The following WDR27 variants were observed in gnomAD, a reference collection of about 807,000 sequenced individuals.
The protein encoded by WDR27 is WD repeat-containing protein 27.
In WDR27, 100 loss-of-function variants were observed where a neutral mutation model predicts 114.4. The observed-to-expected ratio is 0.87, with a 90% CI of 0.74 to 1.03. The LOEUF (loss-of-function observed/expected upper bound fraction) is 1.03. WDR27 is among the 50% of genes least tolerant of loss of function. WDR27 has a pLI of 0.00. For missense variants in WDR27, 1,129 were observed against 1,092.9 expected (o/e 1.03, Z -0.47); for synonymous variants, 449 against 423.1 (o/e 1.06, Z -0.75).
intron 1 of WDR27, among the ~76,000 whole-genome samples, chr6:169,695,569 A>T (rs1354651798): frequency 1.3e-5 from 2 of 152,220 alleles, no homozygotes; most frequent in Non-Finnish European, 2.9e-5. Flanking sequence ...AAATGATTAC[A>T]GAGCACCCAG....
intron 6 of WDR27, chr6:169,666,866 T>C (rs1827967752): frequency 1.0e-6 from 1 of 985,330 alleles, no homozygotes; most frequent in African/African-American, 1.7e-5. Flanking sequence ...ACTCAGGCAT[T>C]TTATCTGACA....
intron 17 of WDR27, among the ~76,000 whole-genome samples, chr6:169,639,919 C>G (rs774398104): frequency 2.4e-4 from 37 of 152,182 alleles, no homozygotes; most frequent in Non-Finnish European, 4.0e-4. Context: ...CGCTTCTTCT[C>G]AGAGGTCGGC....
intron 5 of WDR27, 103 bp from the exon 6 acceptor site, chr6:169,667,290 T>G: frequency 2.3e-6 from 3 of 1,281,650 alleles, no homozygotes; most frequent in Non-Finnish European, 3.0e-6. Context: ...TCAACACAAA[T>G]GGTTATCTAA....
chr6:169,557,426 G>A (rs773272596), intron 25 of WDR27, among the ~76,000 whole-genome samples: 5 of 152,180 alleles, frequency 3.3e-5, no homozygotes, highest in Non-Finnish European at 4.4e-5. Flanking sequence ...TGGGGGGTGC[G>A]GTGCAGGTGC....
At chr6:169,481,078 G>C (rs1351786729) in intron 25 of WDR27, among the ~76,000 whole-genome samples, 3 of 148,748 alleles carry the variant, frequency 2.0e-5, no homozygotes, top group Non-Finnish European at 4.4e-5. Context: ...GTAGTGACTT[G>C]GAGAACTTTT....
At chr6:169,502,643 G>GCGTCT (rs973973321) in intron 25 of WDR27, among the ~76,000 whole-genome samples, 3 of 152,166 alleles carry the variant, frequency 2.0e-5, no homozygotes, top group African/African-American at 7.2e-5. Flanking sequence ...GGAGGCGGAA[G>GCGTCT]CGTCTCGTCT....
intron 25 of WDR27, among the ~76,000 whole-genome samples, chr6:169,467,520 C>T (rs1785747907): frequency 6.6e-6 from 1 of 152,262 alleles, no homozygotes; most frequent in African/African-American, 2.4e-5. Flanking sequence ...GGCCCAACAC[C>T]ATGTGTAAGC....
chr6:169,543,902 T>A (rs73039910), intron 25 of WDR27, among the ~76,000 whole-genome samples: 1 of 152,206 alleles, frequency 6.6e-6, no homozygotes, highest in Non-Finnish European at 1.5e-5. Flanking sequence ...ATTAATCATA[T>A]AGAAAACATC....
intron 23 of WDR27, 29 bp from the exon 24 acceptor site, chr6:169,582,963 T>C (rs1364521629): frequency 3.1e-6 from 5 of 1,605,028 alleles, no homozygotes; most frequent in Non-Finnish European, 4.3e-6. Flanking sequence ...AGGTGTGCCA[T>C]GTTAACTCAG....
At chr6:169,648,250 A>G (rs6909104) in intron 15 of WDR27, among the ~76,000 whole-genome samples, 5,858 of 152,134 alleles carry the variant, frequency 0.039, 395 homozygotes, top group African/African-American at 0.13. Context: ...AATCACTCAA[A>G]TCATCTACAG....
chr6:169,595,175 A>T (rs1413424299), intron 23 of WDR27, among the ~76,000 whole-genome samples: 1 of 152,272 alleles, frequency 6.6e-6, no homozygotes, highest in Admixed American at 6.5e-5. Context: ...ATAAACAAAA[A>T]CAACAACCAC....
chr6:169,690,747 T>C (rs1784283295), intron 1 of WDR27, among the ~76,000 whole-genome samples: 1 of 152,172 alleles, frequency 6.6e-6, no homozygotes, highest in African/African-American at 2.4e-5. Context: ...GCTGCCTGCC[T>C]CCCAGCCCCT....
intron 21 of WDR27, among the ~76,000 whole-genome samples, chr6:169,621,346 G>A (rs1433024445): frequency 9.1e-6 from 1 of 110,210 alleles, no homozygotes; most frequent in East Asian, 2.9e-4. Context: ...GCACACACAT[G>A]CATGTAGACA....
At chr6:169,567,465 G>A (rs1800685878) in intron 25 of WDR27, among the ~76,000 whole-genome samples, 1 of 152,050 alleles carries the variant, frequency 6.6e-6, no homozygotes, top group Non-Finnish European at 1.5e-5. Flanking sequence ...AGACTTCCTG[G>A]CTAAATGAAG....
At chr6:169,499,832 A>G (rs573087233) in intron 25 of WDR27, among the ~76,000 whole-genome samples, 26 of 152,214 alleles carry the variant, frequency 1.7e-4, no homozygotes, top group Non-Finnish European at 3.5e-4. Flanking sequence ...CCTGGCCCAA[A>G]GCAGTGGCTG....
At chr6:169,429,891 G>C in the WDR27 span, among the ~76,000 whole-genome samples, 1 of 152,204 alleles carries the variant, frequency 6.6e-6, no homozygotes, top group South Asian at 2.1e-4. Context: ...CTATTTCCAA[G>C]CAATTTCAGA....
intron 2 of WDR27, among the ~76,000 whole-genome samples, chr6:169,685,477 T>A (rs969162167): frequency 1.3e-5 from 2 of 152,036 alleles, no homozygotes; most frequent in South Asian, 4.1e-4. Flanking sequence ...ATGATATGAA[T>A]GAGAAATTCA....
chr6:169,511,901 C>T (rs1315455070), intron 25 of WDR27, among the ~76,000 whole-genome samples: 1 of 152,042 alleles, frequency 6.6e-6, no homozygotes, highest in Admixed American at 6.5e-5. Context: ...TACTGCTTTC[C>T]TAAAAGGAAA....
At chr6:169,507,614 G>C (rs1292383378) in intron 25 of WDR27, among the ~76,000 whole-genome samples, 1 of 152,160 alleles carries the variant, frequency 6.6e-6, no homozygotes, top group African/African-American at 2.4e-5. Flanking sequence ...AGCCTTCCCT[G>C]TAACTTTCAG....
Sources: allele counts gnomAD v4.1 joint callset (sites outside exome capture counted in the v4.1 genomes callset), GRCh38; gene constraint gnomAD v4.1.1; transcripts MANE v1.5; gene names NCBI Gene and HGNC (gene_info 2026-07-23, HGNC 2026-07-21).